Variants in NAV1 observed in about 807,000 individuals in gnomAD.
NAV1 encodes pore membrane and/or filament interacting like protein 3.
In NAV1, 18 loss-of-function variants were observed where a neutral mutation model predicts 175.2. The ratio of observed to expected loss-of-function variants is 0.10; its 90% CI spans 0.07 to 0.15. NAV1 has a LOEUF of 0.15. Ranked by LOEUF, NAV1 falls within the 10% of genes least tolerant of loss-of-function variation. The pLI, the probability that NAV1 is intolerant of heterozygous loss-of-function variation, is 1.00. For synonymous variants in NAV1, 897 were observed against 978.7 expected (o/e 0.92, Z 1.56); for missense variants, 1,731 against 2,436.6 (o/e 0.71, Z 6.10).
chr1:201,794,308 C>A, intron 14 of NAV1, 158 bp from the exon 19 acceptor site: 1 of 676,520 alleles, frequency 1.5e-6, no homozygotes, highest in Middle Eastern at 3.4e-4. Context: ...CCCGCCACCA[C>A]GCCCAGCTAA....
chr1:201,651,997 G>T (rs1014028646), intron 1 of NAV1, among the ~76,000 whole-genome samples: 21 of 152,130 alleles, frequency 1.4e-4, no homozygotes, highest in African/African-American at 4.8e-4. Context: ...CTGCCTGGGG[G>T]AGGGGTAGAG....
intron 2 of NAV1, among the ~76,000 whole-genome samples, chr1:201,604,789 G>GAAAA (rs1347478687): frequency 5.1e-4 from 76 of 149,262 alleles, no homozygotes; most frequent in African/African-American, 1.8e-3. Context: ...AAGAAAAGAA[G>GAAAA]GAAAGAAGGA....
chr1:201,808,392 C>A lies in NAV1; in HGVS notation c.3846-26C>A. On this transcript the variant is annotated intron_variant, in intron 18 of 29. Coordinates refer to ENST00000367296, the Ensembl canonical transcript of NAV1. This position sits in a 1 kb window ranked among gnomAD's most constrained non-coding sequence, Gnocchi z 5.5. ...TAACTCTAGTGCTTCTTCATGTAGC[C>A]TGGCTTGACTCTTGCTATCTTACAG... The A allele has an allele frequency of 6.3e-7, 1 of 1,593,024 alleles. No homozygotes were observed. The highest frequency in any genetic ancestry group is 1.7e-5 in the Admixed American group (1 of 57,634).
chr1:201,541,300 C>A (rs778547879), intron 1 of NAV1, among the ~76,000 whole-genome samples: 1 of 152,186 alleles, frequency 6.6e-6, no homozygotes, highest in Non-Finnish European at 1.5e-5. Flanking sequence ...CATTCAAAGG[C>A]CTCCTATCTC....
Position 201,718,777 on chromosome 1 carries a change from A to G in NAV1, c.1226+22A>G. 3 of 1,579,274 alleles carry G rather than the reference A, an allele frequency of 1.9e-6. No homozygotes were observed. The highest frequency in any genetic ancestry group is 2.3e-5 in the South Asian group (2 of 87,302). ...CCGGGTAAGCGCAGGGGCTTCTTGG[A>G]TGGCGGGGGAGGATGGTGGAAAGAC... On this transcript the variant is annotated intron_variant, in intron 3 of 29. Coordinates refer to ENST00000367296, the Ensembl canonical transcript of NAV1. The surrounding 1 kb of genome is among the most constrained non-coding windows in gnomAD (Gnocchi z 4.8).
chr1:201,747,530 C>A (rs1434518117), intron 3 of NAV1, among the ~76,000 whole-genome samples: 1 of 152,134 alleles, frequency 6.6e-6, no homozygotes, highest in Non-Finnish European at 1.5e-5. Context: ...TGCCCCTAGA[C>A]ACAGTGGCGA....
intron 1 of NAV1, among the ~76,000 whole-genome samples, chr1:201,659,234 A>C (rs2102351607): frequency 6.6e-6 from 1 of 152,356 alleles, no homozygotes; most frequent in Non-Finnish European, 1.5e-5. Flanking sequence ...GCCACGTACT[A>C]GCTCTAGCTT....
chr1:201,817,028 C>A, intron 28 of NAV1, 60 bp from the exon 33 acceptor site: 1 of 1,507,862 alleles, frequency 6.6e-7, no homozygotes, highest in Non-Finnish European at 9.1e-7. Flanking sequence ...CAAAAGACTG[C>A]ATGAACAAGC....
chr1:201,642,521 C>CT lies in NAV1; in HGVS notation c.5-6106dup, dbSNP rs145876654. ...GCCACCGCACCCGGCCTCTTTCTTTCTTTTTTTCTTTCTTTCTTTCTTTCT... is the reference window on the plus strand; with the variant it reads ...GCCACCGCACCCGGCCTCTTTCTTTCTTTTTTTTCTTTCTTTCTTTCTTTCT... On this transcript the variant is annotated intron_variant, in intron 2 of 29. Transcript: ENST00000367302. 1.2e-4 allele frequency among the ~76,000 whole-genome samples: 12 copies of CT among 97,800 alleles called. 1 individual carries two copies. Among genetic ancestry groups the CT allele is most frequent in the African/African-American group, 7.8e-4 (12 of 15,360 alleles). 64.2% of individuals were successfully genotyped at this position (97,800 alleles called of 152,430 possible).
intron 3 of NAV1, 78 bp from the exon 8 acceptor site, chr1:201,780,343 C>T: frequency 6.4e-7 from 1 of 1,564,398 alleles, no homozygotes; most frequent in Non-Finnish European, 8.8e-7. Context: ...CAGAGCCATT[C>T]TTGCATCAAT....
intron 1 of NAV1, among the ~76,000 whole-genome samples, chr1:201,702,676 CTCT>C (rs1558080536): frequency 0.063 from 7,944 of 125,666 alleles, 1,293 homozygotes; most frequent in Middle Eastern, 0.11. Flanking sequence ...TGTGAATTCT[CTCT>C]CTCTCTCTCT....
At chr1:201,684,874 A>G (rs1571882954) in intron 1 of NAV1, among the ~76,000 whole-genome samples, 2 of 150,090 alleles carry the variant, frequency 1.3e-5, no homozygotes, top group African/African-American at 2.5e-5. Context: ...GAGGCAGGAG[A>G]ATGACGTGAC....
chr1:201,718,982 G>A lies in NAV1; in HGVS notation c.1226+227G>A, dbSNP rs1672255971. On this transcript the variant is annotated intron_variant, in intron 3 of 29. Coordinates refer to ENST00000367296, the Ensembl canonical transcript of NAV1. The surrounding 1 kb of genome is among the most constrained non-coding windows in gnomAD (Gnocchi z 4.8). Reference sequence around the variant, plus strand: ...AGGGCCTACATCCAAGGAGCTGATTGGTCAATGAAGGCGCCTCCCTCTCAT... The same window carrying A: ...AGGGCCTACATCCAAGGAGCTGATTAGTCAATGAAGGCGCCTCCCTCTCAT... Among the ~76,000 whole-genome samples, 2 of 151,926 alleles carry A rather than the reference G, an allele frequency of 1.3e-5. No individual in the cohort carries two copies. The highest frequency in any genetic ancestry group is 4.2e-4 in the South Asian group (2 of 4,792).
chr1:201,824,620 G>T (rs1051589831), exon 30 of NAV1: 3 of 151,834 alleles, frequency 2.0e-5, no homozygotes, highest in African/African-American at 7.3e-5. Context: ...CACGAAGACG[G>T]TTGAAAATTC....
chr1:201,809,511 G>A (rs772044973), exon 22 of NAV1: 2 of 1,614,102 alleles, frequency 1.2e-6, no homozygotes, highest in Non-Finnish European at 1.7e-6. Context: ...GAAGATGCTG[G>A]ATGAAGCTGT....
intron 1 of NAV1, among the ~76,000 whole-genome samples, chr1:201,666,913 A>T (rs771829394): frequency 5.1e-4 from 77 of 151,908 alleles, no homozygotes; most frequent in Middle Eastern, 3.2e-3. Flanking sequence ...GATTTCTCTC[A>T]ACGGAATTAA....
At chr1:201,674,160 AG>A (rs1424898542) in intron 1 of NAV1, 1 of 152,056 alleles carries the variant, frequency 6.6e-6, no homozygotes, top group Non-Finnish European at 1.5e-5. Context: ...TTGCCAGCTA[AG>A]GTGTAGGGCC....
In NAV1 at chr1:201,549,395, G is replaced by T. The variant is rs1471229474; in HGVS notation, c.-144+10053G>T. Among the ~76,000 whole-genome samples, 3 of 152,044 alleles carry T rather than the reference G, an allele frequency of 2.0e-5. No individual in the cohort carries two copies. In the East Asian group the frequency reaches 5.8e-4, roughly 30 times the overall value. On this transcript the variant is annotated intron_variant, in intron 1 of 33. Transcript: ENST00000685211. The stretch of plus-strand genomic sequence containing the variant: ...GGCTAAATTTTGCATTTTTTGTAGC[G>T]AGGGGGTTTTGCCATGTTGCCCAGG...
At chr1:201,640,164 G>GAGCCCACACACCTGATCTGT (rs1668710429) in intron 2 of NAV1, among the ~76,000 whole-genome samples, 1 of 152,016 alleles carries the variant, frequency 6.6e-6, no homozygotes, top group Non-Finnish European at 1.5e-5. Context: ...TCTCTCTCTG[G>GAGCCCACACACCTGATCTGT]AGCCCACACA....
Sources: allele counts gnomAD v4.1 joint callset (sites outside exome capture counted in the v4.1 genomes callset), GRCh38; gene constraint gnomAD v4.1.1; non-coding constraint Gnocchi (gnomAD v3.1); transcripts MANE v1.5; gene names NCBI Gene and HGNC (gene_info 2026-07-23, HGNC 2026-07-21).